Variants in SGCZ observed in about 807,000 individuals in gnomAD.
SGCZ encodes the protein zeta-sarcoglycan.
Under a neutral mutation model 41.3 loss-of-function variants are expected in SGCZ, and 40 were observed. The observed-to-expected ratio is 0.97, with a 90% CI of 0.75 to 1.26. The LOEUF (loss-of-function observed/expected upper bound fraction) is 1.26, where lower values mean the gene tolerates loss of function less well. Ranked by LOEUF, SGCZ falls within the 50% of genes most tolerant of loss-of-function variation. SGCZ has a pLI of 0.00. For synonymous variants in SGCZ, 206 were observed against 137.5 expected, an observed-to-expected ratio of 1.50 and a Z score of -3.49; for missense variants, 552 against 369.8, an observed-to-expected ratio of 1.49 and a Z score of -4.04.
chr8:14,666,250 G>T (rs1483923627), intron 1 of SGCZ, among the ~76,000 whole-genome samples: 1 of 152,186 alleles, frequency 6.6e-6, no homozygotes, highest in Non-Finnish European at 1.5e-5. Context: ...AATGCTGGCA[G>T]TGTGTACAGT....
In SGCZ at chr8:15,172,843, T is replaced by C. The variant is rs553541978; in HGVS notation, c.39+64742A>G. 9.2e-5 allele frequency among the ~76,000 whole-genome samples: 14 copies of C among 152,334 alleles called. No homozygotes were observed. The South Asian group carries it at 2.9e-3, about 32-fold the overall frequency. ...AACAAGATTTTACCTGAATTCTTCA[T>C]AGCAATATATAAATGGGTTGTTCTA... On this transcript the variant is annotated intron_variant, in intron 1 of 7. Transcript: ENST00000382080.
At chr8:15,062,345 T>C (rs1317906764) in intron 1 of SGCZ, among the ~76,000 whole-genome samples, 1 of 152,142 alleles carries the variant, frequency 6.6e-6, no homozygotes, top group Non-Finnish European at 1.5e-5. Context: ...TAAAATAATA[T>C]CATATACTTT....
chr8:14,347,095 C>T (rs1585390970), intron 2 of SGCZ, among the ~76,000 whole-genome samples: 1 of 152,020 alleles, frequency 6.6e-6, no homozygotes, highest in South Asian at 2.1e-4. Context: ...CCAGAGGCTA[C>T]AATTTCCCAT....
chr8:14,197,293 G>A (rs1259707245), intron 4 of SGCZ, among the ~76,000 whole-genome samples: 3 of 152,042 alleles, frequency 2.0e-5, no homozygotes, highest in South Asian at 2.1e-4. Flanking sequence ...ACAACTTATT[G>A]TGACACGAAT....
intron 1 of SGCZ, among the ~76,000 whole-genome samples, chr8:14,809,851 C>A (rs185872677): frequency 3.3e-5 from 5 of 152,012 alleles, no homozygotes; most frequent in African/African-American, 1.2e-4. Flanking sequence ...TGTTTAAGAA[C>A]GCAAGCCATA....
chr8:14,619,831 G>T (rs1806225512), intron 1 of SGCZ, among the ~76,000 whole-genome samples: 2 of 152,152 alleles, frequency 1.3e-5, no homozygotes. Context: ...CTCATGTACA[G>T]GAAGAATCAA....
At chr8:14,458,476 A>G (rs1800811475) in intron 2 of SGCZ, among the ~76,000 whole-genome samples, 1 of 152,198 alleles carries the variant, frequency 6.6e-6, no homozygotes, top group Non-Finnish European at 1.5e-5. Flanking sequence ...TATTACAGAT[A>G]ATGAGATCTA....
intron 1 of SGCZ, among the ~76,000 whole-genome samples, chr8:14,830,679 T>C (rs17120379): frequency 6.6e-6 from 1 of 152,078 alleles, no homozygotes; most frequent in Non-Finnish European, 1.5e-5. Flanking sequence ...GTGACTTTAG[T>C]TTGCAAAGGA....
chr8:14,724,323 ATG>A (rs1158514489), intron 1 of SGCZ, among the ~76,000 whole-genome samples: 11 of 151,630 alleles, frequency 7.3e-5, no homozygotes, highest in Middle Eastern at 3.4e-3. Context: ...GTATATATAT[ATG>A]TGTTCTAATT....
At chr8:14,997,855 G>A (rs756063502) in intron 1 of SGCZ, among the ~76,000 whole-genome samples, 11 of 152,082 alleles carry the variant, frequency 7.2e-5, no homozygotes, top group Non-Finnish European at 1.2e-4. Flanking sequence ...AGATACTCAG[G>A]AGGCTGAGAC....
At chr8:15,069,134 T>C (rs1286874470) in intron 1 of SGCZ, among the ~76,000 whole-genome samples, 1 of 152,196 alleles carries the variant, frequency 6.6e-6, no homozygotes, top group African/African-American at 2.4e-5. Flanking sequence ...CTAAATTCAA[T>C]GGATAGATTT....
intron 1 of SGCZ, among the ~76,000 whole-genome samples, chr8:14,909,736 T>A (rs1008069915): frequency 2.0e-5 from 3 of 152,112 alleles, no homozygotes; most frequent in Non-Finnish European, 4.4e-5. Flanking sequence ...TTTGGAGATG[T>A]TTATTCAGCT....
chr8:14,324,048 TA>T, intron 3 of SGCZ, 54 bp downstream of exon 3: 2 of 1,299,550 alleles, frequency 1.5e-6, no homozygotes, highest in Non-Finnish European at 1.1e-6. Flanking sequence ...TATTTCAAGC[TA>T]AAACATAACC....
Position 14,889,122 on chromosome 8 carries a change from G to T in SGCZ, c.40-334196C>A, listed in dbSNP as rs531972472. On this transcript the variant is annotated intron_variant, in intron 1 of 7. Transcript: ENST00000382080. ...GGAATCTAACATATATTCTTCTGCT[G>T]CAGTTTAAACCATTTAATTTCCTAC... 2.7e-3 allele frequency among the ~76,000 whole-genome samples: 414 copies of T among 152,150 alleles called. 2 individuals carry two copies. Among genetic ancestry groups the T allele is most frequent in the African/African-American group, 9.5e-3 (394 of 41,506 alleles).
intron 4 of SGCZ, among the ~76,000 whole-genome samples, chr8:14,205,805 T>A (rs1045851906): frequency 1.3e-5 from 2 of 152,148 alleles, no homozygotes; most frequent in Non-Finnish European, 2.9e-5. Flanking sequence ...AAATAATTAT[T>A]CTATTTGATG....
chr8:14,434,877 G>A (rs1247112497), intron 2 of SGCZ, among the ~76,000 whole-genome samples: 1 of 152,094 alleles, frequency 6.6e-6, no homozygotes, highest in African/African-American at 2.4e-5. Context: ...TACATGTAGT[G>A]AGCTGTGATC....
intron 1 of SGCZ, among the ~76,000 whole-genome samples, chr8:15,037,030 C>A (rs532067702): frequency 2.6e-5 from 4 of 152,212 alleles, no homozygotes; most frequent in South Asian, 4.1e-4. Flanking sequence ...AAGCATTTGA[C>A]AAAACTGGAC....
At chr8:14,703,686 C>G (rs1231347070) in intron 1 of SGCZ, among the ~76,000 whole-genome samples, 1 of 151,876 alleles carries the variant, frequency 6.6e-6, no homozygotes, top group Non-Finnish European at 1.5e-5. Context: ...CAGCAGAAAA[C>G]CAGTGTTTCC....
At chr8:14,430,535 T>C (rs1799914618) in intron 2 of SGCZ, among the ~76,000 whole-genome samples, 1 of 151,996 alleles carries the variant, frequency 6.6e-6, no homozygotes, top group South Asian at 2.1e-4. Context: ...TGCATACAAG[T>C]GACCTATTTC....
Sources: allele counts gnomAD v4.1 joint callset (sites outside exome capture counted in the v4.1 genomes callset), GRCh38; gene constraint gnomAD v4.1.1; transcripts MANE v1.5; gene names NCBI Gene and HGNC (gene_info 2026-07-23, HGNC 2026-07-21).